The following MED12L variants were observed in gnomAD, a reference collection of about 807,000 sequenced individuals.
The protein encoded by MED12L is mediator of RNA polymerase II transcription subunit 12-like protein.
A neutral mutation model predicts 281.3 loss-of-function variants in MED12L; 60 were observed. That is an observed-to-expected ratio of 0.21 (90% CI 0.17 to 0.26). The LOEUF (loss-of-function observed/expected upper bound fraction) is 0.26, where lower values mean the gene tolerates loss of function less well. Ranked by LOEUF, MED12L falls within the 10% of genes least tolerant of loss-of-function variation. The probability of loss-of-function intolerance (pLI) is 1.00; values close to 1 mark genes in which losing one functional copy is unlikely to be tolerated. For missense variants in MED12L, 2,146 were observed against 2,680.9 expected (o/e 0.80, Z 4.41); for synonymous variants, 974 against 987.2 (o/e 0.99, Z 0.25).
chr3:151,261,791 C>A (rs1206261547), intron 16 of MED12L, among the ~76,000 whole-genome samples: 1 of 152,132 alleles, frequency 6.6e-6, no homozygotes, highest in Non-Finnish European at 1.5e-5. Flanking sequence ...GTGGTATGAT[C>A]TTGGCGCACT....
chr3:151,296,527 C>T (rs901267728), intron 16 of MED12L, among the ~76,000 whole-genome samples: 1 of 152,054 alleles, frequency 6.6e-6, no homozygotes, highest in Non-Finnish European at 1.5e-5. Flanking sequence ...GGAGTACTTA[C>T]CAGTCTTCAA....
chr3:151,242,468 T>TGACCCCC (rs540316469), intron 16 of MED12L, among the ~76,000 whole-genome samples: 9 of 151,300 alleles, frequency 5.9e-5, no homozygotes, highest in South Asian at 2.1e-4. Context: ...CCCTGACCCC[T>TGACCCCC]GAGCAGCCTA....
At chr3:151,391,440 A>G (rs570549578) in intron 38 of MED12L, among the ~76,000 whole-genome samples, 2 of 151,754 alleles carry the variant, frequency 1.3e-5, no homozygotes, top group African/African-American at 4.8e-5. Context: ...GTAGACCCAT[A>G]CCCCTTCCCT....
chr3:151,086,571 C>G (rs1178340992), intron 1 of MED12L: 1 of 174,808 alleles, frequency 5.7e-6, no homozygotes, highest in African/African-American at 2.4e-5. Context: ...AAAAGTCACA[C>G]GTTCCCATCA....
chr3:151,276,500 G>A (rs547151891), intron 16 of MED12L, among the ~76,000 whole-genome samples: 5 of 152,266 alleles, frequency 3.3e-5, no homozygotes, highest in Admixed American at 1.3e-4. Flanking sequence ...TCTGTTTTTG[G>A]TATTCTAGAG....
At position 151,165,860 on chromosome 3, in the gene MED12L, C is replaced by A; in HGVS notation, c.1372C>A (p.Arg458=). The change falls in exon 11 of 45, where the codon CGG becomes AGG. Residue 458 remains arginine (R), a synonymous_variant. Transcript: ENST00000687756. Reference sequence around the variant, plus strand: ...TCTGCCTATAGGGGTGACTATTAGTCGGGTTTTGCACACGTTGGAAGTTTT... The same window carrying A: ...TCTGCCTATAGGGGTGACTATTAGTAGGGTTTTGCACACGTTGGAAGTTTT... ...QESTAGVTIS[R]VLHTLEVLDR... 1 of 1,613,502 alleles carries A rather than the reference C, an allele frequency of 6.2e-7. No individual in the cohort carries two copies. The highest frequency in any genetic ancestry group is 8.5e-7 in the Non-Finnish European group (1 of 1,179,834).
chr3:151,386,297 A>C (rs1713332576), intron 36 of MED12L, among the ~76,000 whole-genome samples: 1 of 152,254 alleles, frequency 6.6e-6, no homozygotes, highest in Non-Finnish European at 1.5e-5. Flanking sequence ...TGTGGTTTTT[A>C]CACCAAGGAA....
chr3:151,363,921 A>G (rs1754950220), intron 21 of MED12L, among the ~76,000 whole-genome samples: 2 of 152,170 alleles, frequency 1.3e-5, no homozygotes, highest in African/African-American at 4.8e-5. Flanking sequence ...GCAATAGTTT[A>G]GAATAGAGAG....
In MED12L at chr3:151,383,907, A is replaced by T; in HGVS notation, c.4790+19A>T. ...CTAACAAGTATGTTTTTATCACTTC[A>T]CATTGATTTTGCTACATGTATGCAT... is the stretch of plus-strand genomic sequence containing the variant. On this transcript the variant is annotated intron_variant, in intron 34 of 44. Transcript: ENST00000687756. 1 of 1,596,372 alleles carries T rather than the reference A, an allele frequency of 6.3e-7. No individual in the cohort carries two copies. Among genetic ancestry groups the T allele is most frequent in the Non-Finnish European group, 8.6e-7 (1 of 1,165,206 alleles).
At chr3:151,359,634 C>T (rs1437535647) in intron 20 of MED12L, among the ~76,000 whole-genome samples, 2 of 152,164 alleles carry the variant, frequency 1.3e-5, no homozygotes, top group African/African-American at 4.8e-5. Context: ...AGTCACCCCA[C>T]CTTTCTGCCT....
intron 16 of MED12L, among the ~76,000 whole-genome samples, chr3:151,193,965 C>CTTTT (rs34461662): frequency 3.2e-5 from 4 of 123,510 alleles, no homozygotes; most frequent in South Asian, 2.5e-4. Flanking sequence ...TTTTTCTTTT[C>CTTTT]TTTTTTTTTT....
chr3:151,188,751 A>G (rs1482711608), intron 13 of MED12L, among the ~76,000 whole-genome samples: 2 of 152,186 alleles, frequency 1.3e-5, no homozygotes, highest in Non-Finnish European at 2.9e-5. Flanking sequence ...TTGTCTGTAT[A>G]TTGAATGTGA....
chr3:151,121,055 A>G (rs1382977232), intron 3 of MED12L, among the ~76,000 whole-genome samples: 1 of 152,200 alleles, frequency 6.6e-6, no homozygotes, highest in African/African-American at 2.4e-5. Context: ...TGTTATTATT[A>G]AATACTTAAA....
At chr3:151,382,822 T>G (rs1236791845) in intron 33 of MED12L, 77 bp downstream of exon 33, 37 of 1,183,512 alleles carry the variant, frequency 3.1e-5, no homozygotes, top group Non-Finnish European at 4.4e-5. Context: ...CCACTTCTCC[T>G]AAGTGCAAAG....
chr3:151,232,845 AC>A (rs1327969343), intron 16 of MED12L, among the ~76,000 whole-genome samples: 1 of 152,190 alleles, frequency 6.6e-6, no homozygotes, highest in Non-Finnish European at 1.5e-5. Flanking sequence ...TAGACTTAGT[AC>A]CTGACAAAAA....
At chr3:151,086,667 C>T (rs1421695396) in intron 1 of MED12L, 131 bp from the exon 2 acceptor site, 2 of 345,572 alleles carry the variant, frequency 5.8e-6, no homozygotes, top group Non-Finnish European at 1.1e-5. Context: ...AGTCCCTCCG[C>T]CGCCGCCACC....
At position 151,332,253 on chromosome 3, in the gene MED12L, T is replaced by A. The variant is rs1027648154; in HGVS notation, c.2251-17806T>A. On this transcript the variant is annotated intron_variant, in intron 16 of 44. Coordinates refer to ENST00000687756, the MANE Select transcript of MED12L (RefSeq NM_001393769.1). ...TGACAGTCCAAGGCCCAGTACCATATAAATAATATGTGAAAAGATGAGGAA... is the reference window on the plus strand; with the variant it reads ...TGACAGTCCAAGGCCCAGTACCATAAAAATAATATGTGAAAAGATGAGGAA... 2.6e-5 allele frequency among the ~76,000 whole-genome samples: 4 copies of A among 152,316 alleles called. No individual in the cohort carries two copies. The South Asian group carries it at 8.3e-4, about 32-fold the overall frequency.
rs781564721 is a variant in MED12L at position 151,383,894 on chromosome 3, T to G, written c.4790+6T>G. 1.2e-6 allele frequency: 2 copies of G among 1,607,452 alleles called. No homozygotes were observed. Among genetic ancestry groups the G allele is most frequent in the Non-Finnish European group, 1.7e-6 (2 of 1,174,552 alleles). On this transcript the variant is annotated splice_donor_region_variant and intron_variant, in intron 34 of 44. Transcript: ENST00000687756. ...GTTGACATGCACACTAACAAGTATGTTTTTATCACTTCACATTGATTTTGC... is the reference window on the plus strand; with the variant it reads ...GTTGACATGCACACTAACAAGTATGGTTTTATCACTTCACATTGATTTTGC...
rs1299678200 is a variant in MED12L, at chr3:151,434,979, C to T, written c.*2175C>T. 2.0e-5 allele frequency: 3 copies of T among 149,980 alleles called. No homozygotes were observed. Among genetic ancestry groups the T allele is most frequent in the East Asian group, 4.1e-4 (2 of 4,834 alleles). 9.3% of individuals were successfully genotyped at this position (149,980 alleles called of 1,614,324 possible). ...TTGAAAGTTGAGGAATGCTGTTTTA[C>T]CCCTGCGCATTATAAAGAAAATAAC... On this transcript the variant is annotated 3_prime_UTR_variant, in exon 45 of 45. Coordinates refer to ENST00000687756, the MANE Select transcript of MED12L (RefSeq NM_001393769.1).
Sources: allele counts gnomAD v4.1 joint callset (sites outside exome capture counted in the v4.1 genomes callset), GRCh38; gene constraint gnomAD v4.1.1; transcripts MANE v1.5; gene names NCBI Gene and HGNC (gene_info 2026-07-23, HGNC 2026-07-21).